The following MFAP3L variants were observed in gnomAD, a reference collection of about 807,000 sequenced individuals.
The protein encoded by MFAP3L is microfibrillar-associated protein 3-like.
A neutral mutation model predicts 20.0 loss-of-function variants in MFAP3L; 5 were observed. The ratio of observed to expected loss-of-function variants is 0.25; its 90% CI spans 0.13 to 0.53. The LOEUF (loss-of-function observed/expected upper bound fraction) is 0.53. Among genes scored for constraint, MFAP3L ranks in the 20% least tolerant of loss-of-function variants. MFAP3L has a pLI of 0.96. For missense variants in MFAP3L, 409 were observed against 527.5 expected (o/e 0.78, Z 2.20); for synonymous variants, 219 against 213.0 (o/e 1.03, Z -0.25).
At chr4:170,026,753 T>G (rs1470801935), upstream of MFAP3L, 8 of 152,314 alleles carry the variant, frequency 5.3e-5, no homozygotes, top group Admixed American at 5.2e-4. Flanking sequence ...CCGCAACTTC[T>G]GTGGGCGTCG....
At chr4:170,020,834 G>A (rs1470686384) in intron 1 of MFAP3L, among the ~76,000 whole-genome samples, 1 of 151,912 alleles carries the variant, frequency 6.6e-6, no homozygotes, top group African/African-American at 2.4e-5. Flanking sequence ...GGTAGCCCCA[G>A]ACACTCCTTT....
intron 2 of MFAP3L, chr4:169,994,134 T>G: frequency 1.0e-6 from 1 of 972,892 alleles, no homozygotes; most frequent in Non-Finnish European, 1.2e-6. Context: ...GAAAGCTTAT[T>G]CCATAGAGAA....
At chr4:170,017,289 C>G (rs1001736046) in intron 1 of MFAP3L, among the ~76,000 whole-genome samples, 4 of 152,140 alleles carry the variant, frequency 2.6e-5, no homozygotes, top group African/African-American at 9.7e-5. Flanking sequence ...AACTGGATCT[C>G]GGTGAAAAAC....
At chr4:170,009,910 G>C (rs1304187933) in intron 1 of MFAP3L, among the ~76,000 whole-genome samples, 1 of 152,180 alleles carries the variant, frequency 6.6e-6, no homozygotes, top group Non-Finnish European at 1.5e-5. Context: ...TTTCTTGGCA[G>C]AGTCAATTTG....
intron 1 of MFAP3L, among the ~76,000 whole-genome samples, chr4:170,023,748 C>T (rs1740179089): frequency 6.6e-6 from 1 of 152,138 alleles, no homozygotes; most frequent in Non-Finnish European, 1.5e-5. Flanking sequence ...TCTGGCTAGG[C>T]TGTGTTGAGG....
At chr4:170,004,204 G>A (rs1482390720) in intron 2 of MFAP3L, among the ~76,000 whole-genome samples, 1 of 152,106 alleles carries the variant, frequency 6.6e-6, no homozygotes, top group Non-Finnish European at 1.5e-5. Flanking sequence ...TGATCTGCCT[G>A]CCTTGGCCTC....
intron 2 of MFAP3L, chr4:169,994,083 C>G (rs1264240310): frequency 1.3e-6 from 1 of 765,576 alleles, no homozygotes; most frequent in East Asian, 1.3e-4. Flanking sequence ...AAGTAGACTA[C>G]AGCAGGCATG....
intron 2 of MFAP3L, among the ~76,000 whole-genome samples, chr4:169,998,558 G>A (rs543755800): frequency 2.0e-4 from 30 of 151,990 alleles, no homozygotes; most frequent in Non-Finnish European, 3.8e-4. Context: ...ATCACTGAGC[G>A]TTAAAAATTA....
intron 2 of MFAP3L, among the ~76,000 whole-genome samples, chr4:170,000,167 A>G (rs1462298293): frequency 6.6e-6 from 1 of 152,244 alleles, no homozygotes; most frequent in African/African-American, 2.4e-5. Flanking sequence ...CACATTAGAT[A>G]TCAAAGGACC....
intron 1 of MFAP3L, among the ~76,000 whole-genome samples, chr4:170,012,875 C>T (rs752080117): frequency 1.4e-4 from 21 of 152,140 alleles, no homozygotes; most frequent in Non-Finnish European, 1.2e-4. Flanking sequence ...GCTGTTTAAG[C>T]CCATGGAACA....
chr4:169,995,325 AC>A (rs1738063552), intron 2 of MFAP3L, among the ~76,000 whole-genome samples: 1 of 151,768 alleles, frequency 6.6e-6, no homozygotes, highest in Non-Finnish European at 1.5e-5. Context: ...GTATTCCCCC[AC>A]CCCCTTTTTT....
intron 1 of MFAP3L, among the ~76,000 whole-genome samples, chr4:170,014,178 A>C (rs1022303158): frequency 2.0e-5 from 3 of 151,768 alleles, no homozygotes; most frequent in South Asian, 2.1e-4. Context: ...CCCCCTTTAA[A>C]AAATTATGTC....
chr4:169,992,374 C>T lies in MFAP3L; in HGVS notation c.299-65G>A, dbSNP rs1458843674. The T allele has an allele frequency of 1.7e-5, 23 of 1,348,056 alleles. No homozygotes were observed. The highest frequency in any genetic ancestry group is 2.6e-4 in the Middle Eastern group (1 of 3,802). 83.5% of individuals were successfully genotyped at this position (1,348,056 alleles called of 1,614,324 possible). A position where few individuals can be genotyped will look rare whatever the true frequency, so the allele number is the denominator to read the frequency against. ...GAGCTCCCATGACTACAAACTGATA[C>T]GTTTCTAAGAACATCTATGAACATC... is the stretch of plus-strand genomic sequence containing the variant. On this transcript the variant is annotated intron_variant, in intron 2 of 2. Transcript: ENST00000361618. This position sits in a 1 kb window ranked among gnomAD's most constrained non-coding sequence, Gnocchi z 4.3.
rs1322459517 is a variant in MFAP3L at position 169,988,298 on chromosome 4, T to G, written c.*3080A>C. 6.6e-6 allele frequency: 1 copy of G among 152,174 alleles called. No homozygotes were observed. The highest frequency in any genetic ancestry group is 2.4e-5 in the African/African-American group (1 of 41,444). 9.4% of individuals were successfully genotyped at this position (152,174 alleles called of 1,614,324 possible). A position where few individuals can be genotyped will look rare whatever the true frequency, so the allele number is the denominator to read the frequency against. Reference sequence around the variant, plus strand: ...TTACATAGATTTTTCCATATAAAATTGTTTTCCCCATTTAGAATAAATACC... The same window carrying G: ...TTACATAGATTTTTCCATATAAAATGGTTTTCCCCATTTAGAATAAATACC... On this transcript the variant is annotated 3_prime_UTR_variant, in exon 3 of 3. Coordinates refer to ENST00000361618, the MANE Select transcript of MFAP3L (RefSeq NM_021647.8).
At chr4:170,018,799 A>C (rs1484457238) in intron 1 of MFAP3L, among the ~76,000 whole-genome samples, 1 of 152,224 alleles carries the variant, frequency 6.6e-6, no homozygotes, top group Non-Finnish European at 1.5e-5. Flanking sequence ...ACAACAACAA[A>C]AAAACACCTT....
intron 1 of MFAP3L, among the ~76,000 whole-genome samples, chr4:170,008,675 T>C (rs1739190936): frequency 6.6e-6 from 1 of 152,178 alleles, no homozygotes; most frequent in Admixed American, 6.5e-5. Context: ...ATCCAGGCCC[T>C]CTTCTGCCTT....
intron 2 of MFAP3L, chr4:169,997,740 C>T (rs1738286511): frequency 6.1e-6 from 6 of 984,910 alleles, no homozygotes; most frequent in Non-Finnish European, 7.2e-6. Context: ...CCTTCTATCA[C>T]ACACAACTCA....
chr4:169,997,666 G>T, intron 2 of MFAP3L: 2 of 961,096 alleles, frequency 2.1e-6, no homozygotes, highest in Non-Finnish European at 2.5e-6. Context: ...TGACATTGTT[G>T]GCAGTGGAAA....
At chr4:170,027,276 G>A (rs1204572505), upstream of MFAP3L, 1 of 149,082 alleles carries the variant, frequency 6.7e-6, no homozygotes, top group Admixed American at 6.7e-5. Flanking sequence ...AATTTCTGGG[G>A]CGGGACCAGG....
Sources: gnomAD v4.1 joint callset for allele counts (sites outside exome capture counted in the v4.1 genomes callset) on GRCh38, gnomAD v4.1.1 for gene constraint, Gnocchi (gnomAD v3.1) non-coding constraint, MANE v1.5 for transcripts, NCBI Gene and HGNC (gene_info 2026-07-23, HGNC 2026-07-21) for gene names.